Variants in BRINP3 observed in about 807,000 individuals in gnomAD.
BRINP3 encodes BMP/retinoic acid inducible neural specific 3.
BRINP3 carries 19 observed loss-of-function variants against 71.0 expected under a neutral mutation model. The observed-to-expected ratio is 0.27, with a 90% CI of 0.19 to 0.39. The LOEUF is 0.39. BRINP3 is among the 10% of genes least tolerant of loss of function. The probability of loss-of-function intolerance (pLI) is 1.00; values close to 1 mark genes in which losing one functional copy is unlikely to be tolerated. For synonymous variants in BRINP3, 380 were observed against 337.7 expected (o/e 1.13, Z -1.37); for missense variants, 959 against 940.8 (o/e 1.02, Z -0.25).
At chr1:190,249,306 T>G (rs1195936151) in intron 4 of BRINP3, among the ~76,000 whole-genome samples, 1 of 151,834 alleles carries the variant, frequency 6.6e-6, no homozygotes, top group African/African-American at 2.4e-5. Context: ...GCAAATAAAT[T>G]TGGTAAATTG....
chr1:190,278,527 G>A (rs370656839), intron 3 of BRINP3, among the ~76,000 whole-genome samples: 47 of 151,578 alleles, frequency 3.1e-4, no homozygotes, highest in Admixed American at 7.9e-4. Context: ...CATTTTAATC[G>A]CAGATATCTT....
chr1:190,472,452 AT>A lies in BRINP3; in HGVS notation c.-51+4995del, dbSNP rs1001297752. On this transcript the variant is annotated intron_variant, in intron 1 of 7. Transcript: ENST00000367462. ...TTTGGGATATTTTTCAAGAAAAAAT[AT>A]TTTTTTTCTAAAAACAATATGTGTG... 1.6e-4 allele frequency among the ~76,000 whole-genome samples: 25 copies of A among 151,698 alleles called. No individual in the cohort carries two copies. The South Asian group carries it at 4.1e-3, about 25-fold the overall frequency.
intron 6 of BRINP3, among the ~76,000 whole-genome samples, chr1:190,182,609 T>C (rs1054943590): frequency 2.6e-5 from 4 of 152,166 alleles, no homozygotes; most frequent in African/African-American, 9.6e-5. Flanking sequence ...ATGGCCTTTG[T>C]GTTCAGCTCA....
intron 2 of BRINP3, among the ~76,000 whole-genome samples, chr1:190,367,538 C>T (rs935131352): frequency 5.3e-5 from 8 of 152,192 alleles, no homozygotes; most frequent in East Asian, 1.9e-4. Flanking sequence ...GTGTTACTTA[C>T]GCAAATTTCT....
intron 1 of BRINP3, among the ~76,000 whole-genome samples, chr1:190,470,739 A>T (rs899344969): frequency 1.3e-5 from 2 of 151,182 alleles, no homozygotes; most frequent in South Asian, 4.1e-4. Context: ...ATGGTTGAAT[A>T]TAAACATTTC....
chr1:190,289,909 T>TGTA (rs750358983), intron 2 of BRINP3, among the ~76,000 whole-genome samples: 2 of 152,050 alleles, frequency 1.3e-5, no homozygotes, highest in Non-Finnish European at 2.9e-5. Context: ...TCATGTTTCA[T>TGTA]GTAGATGTGA....
At chr1:190,186,076 T>A (rs917828579) in intron 6 of BRINP3, among the ~76,000 whole-genome samples, 12 of 152,186 alleles carry the variant, frequency 7.9e-5, no homozygotes, top group Non-Finnish European at 1.0e-4. Context: ...ATATATATAT[T>A]TTTTAAATTA....
At chr1:190,379,953 G>C (rs1316740581) in intron 2 of BRINP3, among the ~76,000 whole-genome samples, 3 of 138,458 alleles carry the variant, frequency 2.2e-5, no homozygotes, top group African/African-American at 8.2e-5. Context: ...AGCTGAGATC[G>C]TGCCATTGCA....
intron 7 of BRINP3, among the ~76,000 whole-genome samples, chr1:190,148,640 T>TAAATAAAA (rs1356751420): frequency 5.4e-5 from 8 of 148,542 alleles, no homozygotes; most frequent in African/African-American, 2.0e-4. Context: ...AATAAATAAA[T>TAAATAAAA]AAATAAATAA....
At chr1:190,457,170 G>A (rs755912705) in intron 1 of BRINP3, among the ~76,000 whole-genome samples, 25 of 152,168 alleles carry the variant, frequency 1.6e-4, no homozygotes, top group Non-Finnish European at 2.6e-4. Context: ...GGCCAGGCAC[G>A]GTAGCTCACG....
At chr1:190,316,963 A>G (rs753786791) in intron 2 of BRINP3, among the ~76,000 whole-genome samples, 1 of 151,970 alleles carries the variant, frequency 6.6e-6, no homozygotes, top group Non-Finnish European at 1.5e-5. Context: ...ACCTGAGGTC[A>G]GGAGTTCAAG....
rs1653329875 is a variant in BRINP3, at chr1:190,184,501, A to G, written c.962-23611T>C. On this transcript the variant is annotated intron_variant, in intron 6 of 7. Transcript: ENST00000367462. ...CAACCTAAGCGCCCATTAATGATGG[A>G]TTAGATAAATAAAATGTGGTCCAAA... 1.3e-5 allele frequency among the ~76,000 whole-genome samples: 2 copies of G among 152,196 alleles called. 1 individual carries two copies. Among genetic ancestry groups the G allele is most frequent in the South Asian group, 4.1e-4 (2 of 4,830 alleles).
At chr1:190,223,528 A>G (rs1362102122) in intron 6 of BRINP3, among the ~76,000 whole-genome samples, 1 of 151,966 alleles carries the variant, frequency 6.6e-6, no homozygotes, top group Non-Finnish European at 1.5e-5. Context: ...TATAAAGGCC[A>G]TGTATGACAA....
chr1:190,470,611 T>C lies in BRINP3; in HGVS notation c.-51+6837A>G, dbSNP rs572855219. Reference sequence around the variant, plus strand: ...ACTCTAAACTTGAACAATAAAACATTGACAAATTATGAATAGTGATTATTG... The same window carrying C: ...ACTCTAAACTTGAACAATAAAACATCGACAAATTATGAATAGTGATTATTG... On this transcript the variant is annotated intron_variant, in intron 1 of 7. Coordinates refer to ENST00000367462, the MANE Select transcript of BRINP3 (RefSeq NM_199051.3). Among the ~76,000 whole-genome samples the C allele has an allele frequency of 7.3e-5, 11 of 151,170 alleles. No homozygotes were observed. In the East Asian group the frequency reaches 2.1e-3, roughly 29 times the overall value.
chr1:190,265,165 A>T, intron 3 of BRINP3, 110 bp from the exon 4 acceptor site: 1 of 960,880 alleles, frequency 1.0e-6, no homozygotes, highest in Non-Finnish European at 1.5e-6. Context: ...CAAAGGAGTG[A>T]TATATGCCAA....
chr1:190,448,467 GT>G (rs1675383241), intron 2 of BRINP3, among the ~76,000 whole-genome samples: 1 of 141,246 alleles, frequency 7.1e-6, no homozygotes, highest in Non-Finnish European at 1.6e-5. Flanking sequence ...TGGGGTTTGT[GT>G]GTGTGTGTGT....
At chr1:190,354,001 A>G (rs941416071) in intron 2 of BRINP3, among the ~76,000 whole-genome samples, 1 of 151,894 alleles carries the variant, frequency 6.6e-6, no homozygotes, top group African/African-American at 2.4e-5. Flanking sequence ...CTGTCACAAC[A>G]AAGTCCAAAT....
chr1:190,192,632 G>A (rs1654139319), intron 6 of BRINP3, among the ~76,000 whole-genome samples: 1 of 151,734 alleles, frequency 6.6e-6, no homozygotes, highest in South Asian at 2.1e-4. Context: ...TATGCAAGAA[G>A]TTCTCTATGA....
chr1:190,236,667 G>T (rs1275834113), intron 4 of BRINP3, among the ~76,000 whole-genome samples: 1 of 151,852 alleles, frequency 6.6e-6, no homozygotes, highest in Non-Finnish European at 1.5e-5. Context: ...TACTGATACT[G>T]AATAGACCTT....
Sources: gnomAD v4.1 joint callset for allele counts (sites outside exome capture counted in the v4.1 genomes callset) on GRCh38, gnomAD v4.1.1 for gene constraint, MANE v1.5 for transcripts, NCBI Gene and HGNC (gene_info 2026-07-23, HGNC 2026-07-21) for gene names.